TTC28: variants seen among roughly 807,000 people sequenced by gnomAD.
TTC28 encodes the protein tetratricopeptide repeat protein 28.
A neutral mutation model predicts 198.0 loss-of-function variants in TTC28; 61 were observed. The observed-to-expected ratio is 0.31, with a 90% CI of 0.25 to 0.38. TTC28 has a LOEUF of 0.38. TTC28 is among the 10% of genes least tolerant of loss of function. The pLI is 1.00. For missense variants in TTC28, 2,678 were observed against 3,164.0 expected (o/e 0.85, Z 3.69); for synonymous variants, 1,171 against 1,297.8 (o/e 0.90, Z 2.10).
chr22:28,522,032 C>G (rs1218646251), intron 2 of TTC28, among the ~76,000 whole-genome samples: 4 of 152,100 alleles, frequency 2.6e-5, no homozygotes, highest in African/African-American at 7.2e-5. Flanking sequence ...TCTGTAACTC[C>G]AGAGCTTTTA....
At chr22:28,649,266 A>G (rs2051529070) in intron 1 of TTC28, among the ~76,000 whole-genome samples, 1 of 152,200 alleles carries the variant, frequency 6.6e-6, no homozygotes, top group East Asian at 1.9e-4. Context: ...TATTGGGTAC[A>G]ATGTACACCA....
chr22:28,022,456 C>T (rs1449447078), intron 13 of TTC28, among the ~76,000 whole-genome samples: 6 of 152,262 alleles, frequency 3.9e-5, no homozygotes, highest in Admixed American at 3.9e-4. Context: ...TGCTGCTCTG[C>T]GGTCAGGCTG....
chr22:28,370,140 C>T (rs1459305700), intron 2 of TTC28, among the ~76,000 whole-genome samples: 1 of 152,146 alleles, frequency 6.6e-6, no homozygotes. Flanking sequence ...AGTATTTACT[C>T]CCCATCCCTT....
At chr22:28,519,197 C>A (rs1013468226) in intron 2 of TTC28, among the ~76,000 whole-genome samples, 1 of 152,138 alleles carries the variant, frequency 6.6e-6, no homozygotes, top group African/African-American at 2.4e-5. Flanking sequence ...CAATCAGATC[C>A]AGGAACCCTC....
intron 2 of TTC28, among the ~76,000 whole-genome samples, chr22:28,522,680 A>G (rs1056805562): frequency 2.6e-5 from 4 of 152,214 alleles, no homozygotes; most frequent in African/African-American, 9.6e-5. Context: ...AAGCACAGCA[A>G]GAATAAAATA....
At chr22:28,414,179 A>C (rs1157070388) in intron 2 of TTC28, among the ~76,000 whole-genome samples, 2 of 152,250 alleles carry the variant, frequency 1.3e-5, no homozygotes, top group Non-Finnish European at 2.9e-5. Flanking sequence ...AACAGAAAGA[A>C]GGCTGTACTC....
At chr22:28,094,857 A>G (rs760172075) in intron 11 of TTC28, among the ~76,000 whole-genome samples, 5 of 152,228 alleles carry the variant, frequency 3.3e-5, no homozygotes, top group Non-Finnish European at 7.3e-5. Context: ...AATAGGATAT[A>G]TTCTCAAATG....
chr22:28,513,291 GTAAGAGT>G (rs930986020), intron 2 of TTC28, among the ~76,000 whole-genome samples: 8 of 152,104 alleles, frequency 5.3e-5, no homozygotes, highest in Non-Finnish European at 1.2e-4. Context: ...AAGAGCCAAC[GTAAGAGT>G]TAATGTGTCA....
intron 2 of TTC28, among the ~76,000 whole-genome samples, chr22:28,399,449 T>C (rs917146080): frequency 6.6e-5 from 10 of 151,058 alleles, no homozygotes; most frequent in Admixed American, 3.3e-4. Flanking sequence ...GCCTCCCAAG[T>C]AGATGGGACT....
intron 11 of TTC28, among the ~76,000 whole-genome samples, chr22:28,095,276 G>A (rs766621461): frequency 3.3e-5 from 5 of 151,698 alleles, no homozygotes. Flanking sequence ...GGAACTAAAG[G>A]GAAAAAATTA....
At chr22:27,995,603 A>G (rs1302061226) in intron 17 of TTC28, among the ~76,000 whole-genome samples, 1 of 152,152 alleles carries the variant, frequency 6.6e-6, no homozygotes, top group African/African-American at 2.4e-5. Flanking sequence ...TCAGGGGCAG[A>G]CTGGTATCAT....
chr22:28,152,031 T>A (rs1043571242), intron 6 of TTC28, among the ~76,000 whole-genome samples: 2 of 152,128 alleles, frequency 1.3e-5, no homozygotes, highest in African/African-American at 4.8e-5. Context: ...AAAGACAACA[T>A]GAAGATCTGA....
intron 2 of TTC28, among the ~76,000 whole-genome samples, chr22:28,349,957 T>C (rs1039980857): frequency 2.0e-5 from 3 of 152,206 alleles, no homozygotes; most frequent in Non-Finnish European, 4.4e-5. Flanking sequence ...ACAGTGAAGA[T>C]GAGATAGTAA....
At chr22:28,590,905 A>G (rs1054643184) in intron 2 of TTC28, among the ~76,000 whole-genome samples, 1 of 150,504 alleles carries the variant, frequency 6.6e-6, no homozygotes, top group Non-Finnish European at 1.5e-5. Flanking sequence ...GCTACTCAGG[A>G]GACTGAGGCA....
At chr22:28,447,363 GATCCTCTAAATTTTCATGAGAAGCTAAA>G (rs1282748805) in intron 2 of TTC28, among the ~76,000 whole-genome samples, 1 of 152,146 alleles carries the variant, frequency 6.6e-6, no homozygotes, top group Non-Finnish European at 1.5e-5. Context: ...AGCAATATCA[GATCCTCTAAATTTTCATGAGAAGCTAAA>G]AATTTCCTAA....
At chr22:28,395,860 C>G (rs2046807729) in intron 2 of TTC28, among the ~76,000 whole-genome samples, 1 of 152,154 alleles carries the variant, frequency 6.6e-6, no homozygotes, top group African/African-American at 2.4e-5. Flanking sequence ...TATGGCTTAT[C>G]TTTCATCAAA....
At chr22:28,055,681 C>G (rs1327519207) in intron 12 of TTC28, among the ~76,000 whole-genome samples, 2 of 152,162 alleles carry the variant, frequency 1.3e-5, no homozygotes, top group African/African-American at 4.8e-5. Context: ...AACAACTTGT[C>G]CCAAATGACA....
chr22:28,612,565 T>C (rs1029255151), intron 2 of TTC28, among the ~76,000 whole-genome samples: 3 of 152,138 alleles, frequency 2.0e-5, no homozygotes, highest in African/African-American at 4.8e-5. Context: ...TATTCCAAAA[T>C]TGACCACATA....
chr22:28,600,606 T>C (rs1021540993), intron 2 of TTC28, among the ~76,000 whole-genome samples: 14 of 152,212 alleles, frequency 9.2e-5, no homozygotes, highest in African/African-American at 3.4e-4. Context: ...ATGTATTGAA[T>C]ATTTATCATT....
Sources: allele counts gnomAD v4.1 joint callset (sites outside exome capture counted in the v4.1 genomes callset), GRCh38; gene constraint gnomAD v4.1.1; transcripts MANE v1.5; gene names NCBI Gene and HGNC (gene_info 2026-07-23, HGNC 2026-07-21).